ACTN4: variants seen among roughly 807,000 people sequenced by gnomAD.
ACTN4 encodes the protein alpha-actinin-4.
ACTN4 carries 18 observed loss-of-function variants against 114.2 expected under a neutral mutation model. That is an observed-to-expected ratio of 0.16 (90% CI 0.11 to 0.23). ACTN4 has a LOEUF of 0.23. ACTN4 is among the 10% of genes least tolerant of loss of function. ACTN4 has a pLI of 1.00. For synonymous variants in ACTN4, 515 were observed against 506.3 expected, an observed-to-expected ratio of 1.02 and a Z score of -0.23; for missense variants, 722 against 1,262.9, an observed-to-expected ratio of 0.57 and a Z score of 6.49.
chr19:38,697,031 G>A (rs1968118325), intron 1 of ACTN4, among the ~76,000 whole-genome samples: 1 of 152,220 alleles, frequency 6.6e-6, no homozygotes, highest in Non-Finnish European at 1.5e-5. Context: ...TTATCAGTGA[G>A]GAAACTGAGG....
intron 1 of ACTN4, among the ~76,000 whole-genome samples, chr19:38,655,288 C>G (rs560141366): frequency 2.0e-4 from 31 of 152,260 alleles, no homozygotes; most frequent in African/African-American, 6.7e-4. Context: ...GGTTACCACT[C>G]GGGCTGAAGG....
At chr19:38,657,146 A>T (rs1415096308) in intron 1 of ACTN4, among the ~76,000 whole-genome samples, 10 of 133,888 alleles carry the variant, frequency 7.5e-5, no homozygotes, top group Non-Finnish European at 9.7e-5. Context: ...GCTAATTTTA[A>T]TTTTTTTTTT....
chr19:38,647,660 A>AGAGGCGGTAGCG lies in ACTN4; in HGVS notation c.-85_-84insAGGCGGTAGCGG, dbSNP rs1976421024. On this transcript the variant is annotated 5_prime_UTR_variant, in exon 1 of 21. Transcript: ENST00000252699. ...GCGGAGGGCGGGCTGAAGCAGCTGA[A>AGAGGCGGTAGCG]GCGGCGGTAGCGGCGGCGGCTCGGG... The AGAGGCGGTAGCG allele has an allele frequency of 2.0e-6, 3 of 1,465,082 alleles. No homozygotes were observed. The allele number at this position is 1,465,082 out of a possible 1,614,324, so 90.8% of individuals were successfully genotyped here.
chr19:38,649,674 G>A (rs1448876797), intron 1 of ACTN4, among the ~76,000 whole-genome samples: 1 of 152,098 alleles, frequency 6.6e-6, no homozygotes, highest in Non-Finnish European at 1.5e-5. Context: ...AGGCTACAGG[G>A]CTTTGAGTGG....
intron 1 of ACTN4, among the ~76,000 whole-genome samples, chr19:38,661,576 T>C (rs1237586312): frequency 6.6e-6 from 1 of 152,252 alleles, no homozygotes; most frequent in African/African-American, 2.4e-5. Flanking sequence ...TTGAGTCTCC[T>C]TCTTTGAAGT....
At chr19:38,687,910 C>T (rs993663862) in intron 1 of ACTN4, among the ~76,000 whole-genome samples, 1 of 152,146 alleles carries the variant, frequency 6.6e-6, no homozygotes, top group Non-Finnish European at 1.5e-5. Context: ...CTCTTAAATT[C>T]AACAGTAAAA....
At chr19:38,693,878 G>T (rs148253963) in intron 1 of ACTN4, among the ~76,000 whole-genome samples, 1 of 152,192 alleles carries the variant, frequency 6.6e-6, no homozygotes, top group African/African-American at 2.4e-5. Context: ...GCACACGGAG[G>T]GGTGACAGTG....
intron 3 of ACTN4, among the ~76,000 whole-genome samples, chr19:38,704,555 G>A (rs1289624465): frequency 6.6e-6 from 1 of 152,274 alleles, no homozygotes; most frequent in Non-Finnish European, 1.5e-5. Flanking sequence ...CAGGAGGTAC[G>A]CAGATTACGG....
chr19:38,715,499 AAAAAT>A (rs1238210411), intron 9 of ACTN4, among the ~76,000 whole-genome samples: 14 of 152,216 alleles, frequency 9.2e-5, no homozygotes, highest in African/African-American at 1.9e-4. Flanking sequence ...CCATTAAAAT[AAAAAT>A]AAAATAAAAT....
intron 1 of ACTN4, among the ~76,000 whole-genome samples, chr19:38,677,351 T>C (rs1034180279): frequency 5.0e-5 from 7 of 139,078 alleles, no homozygotes; most frequent in African/African-American, 1.5e-4. Flanking sequence ...TAAATATGTA[T>C]TGAATGAATA....
intron 1 of ACTN4, among the ~76,000 whole-genome samples, chr19:38,654,577 AG>A (rs1976661330): frequency 1.3e-5 from 2 of 151,006 alleles, no homozygotes; most frequent in Non-Finnish European, 3.0e-5. Context: ...AAAAAAAAAA[AG>A]AAAAAGAAAA....
rs576288743 is a variant in ACTN4, at chr19:38,669,491, A to G, written c.162+21584A>G. Among the ~76,000 whole-genome samples, 3 of 152,274 alleles carry G rather than the reference A, an allele frequency of 2.0e-5. No homozygotes were observed. In the East Asian group the frequency reaches 5.8e-4, roughly 29 times the overall value. ...TGGTTTGGAGTAGATGGGACTGGGT[A>G]GGGGACTAGTCTTGAAGCTGCAAGC... On this transcript the variant is annotated intron_variant, in intron 1 of 20. Coordinates refer to ENST00000252699, the MANE Select transcript of ACTN4 (RefSeq NM_004924.6).
intron 1 of ACTN4, among the ~76,000 whole-genome samples, chr19:38,674,376 A>T (rs1048949307): frequency 2.2e-4 from 33 of 152,190 alleles, no homozygotes; most frequent in African/African-American, 8.0e-4. Context: ...CTTGGATTTT[A>T]TTCTAGCTGC....
At chr19:38,703,508 G>A (rs985877037) in intron 3 of ACTN4, among the ~76,000 whole-genome samples, 10 of 152,146 alleles carry the variant, frequency 6.6e-5, no homozygotes, top group Admixed American at 6.5e-4. Context: ...CCAAATTGCT[G>A]GGACTAAACA....
chr19:38,719,873 C>A (rs1968977515), intron 11 of ACTN4, among the ~76,000 whole-genome samples: 1 of 152,230 alleles, frequency 6.6e-6, no homozygotes, highest in Admixed American at 6.5e-5. Context: ...GGGAAGGGCT[C>A]TGGGGCAGCC....
chr19:38,660,248 A>G (rs1487890737), intron 1 of ACTN4, among the ~76,000 whole-genome samples: 1 of 152,096 alleles, frequency 6.6e-6, no homozygotes, highest in Non-Finnish European at 1.5e-5. Flanking sequence ...TTGATCTATC[A>G]CAGGCTGGTG....
In ACTN4 at chr19:38,729,757, C is replaced by T. The variant is rs1969416973; in HGVS notation, c.*325C>T. 2 of 537,310 alleles carry T rather than the reference C, an allele frequency of 3.7e-6. No homozygotes were observed. The highest frequency in any genetic ancestry group is 4.5e-5 in the Admixed American group (2 of 44,656). The allele number at this position is 537,310 out of a possible 1,614,324, so 33.3% of individuals were successfully genotyped here. A position where few individuals can be genotyped will look rare whatever the true frequency, so the allele number is the denominator to read the frequency against. ...GTCCCTTCCATGCCCTGGGATGCCT[C>T]ACCACACCCAGGTCTCTTCCTTTGC... On this transcript the variant is annotated 3_prime_UTR_variant, in exon 21 of 21. Coordinates refer to ENST00000252699, the MANE Select transcript of ACTN4 (RefSeq NM_004924.6).
chr19:38,708,142 G>A lies in ACTN4; in HGVS notation c.598G>A (p.Ala200Thr). 1 of 1,614,190 alleles carries A rather than the reference G, an allele frequency of 6.2e-7. No homozygotes were observed. Among genetic ancestry groups the A allele is most frequent in the Non-Finnish European group, 8.5e-7 (1 of 1,180,022 alleles). ...CTGGAAGGATGGTCTTGCCTTCAAT[G>A]CCCTGATCCACCGGCACAGACCAGA... The part of the protein sequence containing the change: ...ISWKDGLAFN[A>T]LIHRHRPELI... Residue 200 changes from alanine (A) to threonine (T), a missense_variant, in exon 6 of 21, where the codon GCC (alanine) becomes ACC (threonine). By Grantham distance (58) the Ala-to-Thr change is moderately conservative. This residue lies in a region of ACTN4 where 127 missense variants were observed against 311.3 expected (regional missense o/e 0.41). Transcript: ENST00000252699.
intron 1 of ACTN4, among the ~76,000 whole-genome samples, chr19:38,666,388 G>A (rs1180130935): frequency 6.6e-6 from 1 of 152,224 alleles, no homozygotes; most frequent in African/African-American, 2.4e-5. Context: ...GTGCAGCCTT[G>A]TTCAGGAGCT....
Sources: allele counts gnomAD v4.1 joint callset (sites outside exome capture counted in the v4.1 genomes callset), GRCh38; gene constraint gnomAD v4.1.1; regional missense constraint gnomAD v4.1.1; transcripts MANE v1.5; gene names NCBI Gene and HGNC (gene_info 2026-07-23, HGNC 2026-07-21).